SCML2: variants seen among roughly 807,000 people sequenced by gnomAD.
The protein encoded by SCML2 is Scm polycomb group protein like 2.
A neutral mutation model predicts 48.4 loss-of-function variants in SCML2; 6 were observed. That is an observed-to-expected ratio of 0.12 (90% CI 0.07 to 0.24). SCML2 has a LOEUF of 0.24. Among genes scored for constraint, SCML2 ranks in the 10% least tolerant of loss-of-function variants. The pLI is 1.00. For missense variants in SCML2, 377 were observed against 528.2 expected (o/e 0.71, Z 2.81); for synonymous variants, 181 against 189.5 (o/e 0.95, Z 0.37).
At chrX:18,333,367 T>C (rs1003260953) in intron 2 of SCML2, among the ~76,000 whole-genome samples, 1 of 112,196 alleles carries the variant, frequency 8.9e-6, no homozygotes, top group Non-Finnish European at 1.9e-5. Context: ...ACACCACTTA[T>C]GAAGTCATCT....
At chrX:18,261,917 A>AT (rs1252774776) in intron 8 of SCML2, among the ~76,000 whole-genome samples, 1 of 109,174 alleles carries the variant, frequency 9.2e-6, no homozygotes, top group Non-Finnish European at 1.9e-5. Context: ...AATCTGCCTG[A>AT]TTTTTTTCAA....
chrX:18,327,382 C>A lies in SCML2; in HGVS notation c.92-2405G>T, dbSNP rs892317872. Among the ~76,000 whole-genome samples the A allele has an allele frequency of 8.4e-4, 93 of 110,779 alleles. 1 individual carries two copies. The highest frequency in any genetic ancestry group is 4.7e-3 in the Middle Eastern group (1 of 215). On this transcript the variant is annotated intron_variant, in intron 3 of 14. Transcript: ENST00000251900. ...GGAGACTCCGTCTCAACAACAACAA[C>A]AAAAAAAGAACAAAACAAAACATTT...
At chrX:18,295,901 A>G (rs1928381377) in intron 7 of SCML2, among the ~76,000 whole-genome samples, 1 of 112,097 alleles carries the variant, frequency 8.9e-6, no homozygotes, top group Non-Finnish European at 1.9e-5. Context: ...TCACTACTTC[A>G]TGCACTCAGA....
At chrX:18,280,651 GT>G (rs1318091865) in intron 7 of SCML2, among the ~76,000 whole-genome samples, 2 of 111,385 alleles carry the variant, frequency 1.8e-5, no homozygotes, top group Non-Finnish European at 3.8e-5. Context: ...TAGGCTCAAA[GT>G]AAAAGAATGG....
chrX:18,291,180 T>TTCC (rs1704348000), intron 7 of SCML2, among the ~76,000 whole-genome samples: 1 of 111,993 alleles, frequency 8.9e-6, no homozygotes, highest in Non-Finnish European at 1.9e-5. Context: ...ATATGTTCCT[T>TTCC]TCCTCTTTTT....
intron 11 of SCML2, among the ~76,000 whole-genome samples, chrX:18,250,990 AACTC>A (rs1293171330): frequency 3.6e-5 from 4 of 110,101 alleles, no homozygotes; most frequent in East Asian, 2.9e-4. Context: ...ATCTCATGAG[AACTC>A]ACTCACTATC....
chrX:18,249,844 A>AAC (rs751699721), intron 11 of SCML2, among the ~76,000 whole-genome samples: 27 of 111,251 alleles, frequency 2.4e-4, no homozygotes, highest in Non-Finnish European at 3.8e-4. Context: ...GTTATGTCCC[A>AAC]ACACACACAG....
chrX:18,282,542 G>A (rs1927901046), intron 7 of SCML2, among the ~76,000 whole-genome samples: 1 of 111,087 alleles, frequency 9.0e-6, no homozygotes, highest in African/African-American at 3.3e-5. Context: ...TGGGGCTGAG[G>A]CGAGAGGATC....
intron 7 of SCML2, among the ~76,000 whole-genome samples, chrX:18,272,291 C>A (rs1048306839): frequency 1.8e-5 from 2 of 112,230 alleles, no homozygotes; most frequent in African/African-American, 6.5e-5. Context: ...ATGTTTATTT[C>A]CTTATTTTCA....
intron 1 of SCML2, among the ~76,000 whole-genome samples, chrX:18,338,042 T>G (rs151225051): frequency 9.5e-4 from 107 of 112,551 alleles, no homozygotes; most frequent in African/African-American, 3.3e-3. Context: ...CAAGATAATT[T>G]TTTTTAATTC....
intron 1 of SCML2, among the ~76,000 whole-genome samples, chrX:18,346,084 G>C (rs1039876518): frequency 1.8e-5 from 2 of 110,738 alleles, no homozygotes; most frequent in Admixed American, 9.7e-5. Context: ...TTTTCTTTTG[G>C]CCATCATTGT....
At chrX:18,339,772 C>T (rs774894682) in intron 1 of SCML2, among the ~76,000 whole-genome samples, 26 of 110,894 alleles carry the variant, frequency 2.3e-4, no homozygotes, top group African/African-American at 7.5e-4. Context: ...CCTTTATGAG[C>T]CAAAACATCC....
intron 7 of SCML2, among the ~76,000 whole-genome samples, chrX:18,286,200 A>C (rs767201606): frequency 4.5e-5 from 5 of 111,570 alleles, no homozygotes; most frequent in East Asian, 5.6e-4. Context: ...AAATGTCCCC[A>C]AAAAAACAAA....
intron 7 of SCML2, among the ~76,000 whole-genome samples, chrX:18,293,909 G>A (rs1928309755): frequency 8.9e-6 from 1 of 112,008 alleles, no homozygotes. Context: ...AGTGTCTTTC[G>A]AGGACAAAGC....
chrX:18,247,716 T>C, intron 12 of SCML2, 53 bp downstream of exon 12: 1 of 922,919 alleles, frequency 1.1e-6, no homozygotes, highest in South Asian at 2.1e-5. Flanking sequence ...TATACATAAG[T>C]GGTAGCAGAG....
At chrX:18,333,408 C>A (rs1435910512) in intron 2 of SCML2, among the ~76,000 whole-genome samples, 1 of 112,226 alleles carries the variant, frequency 8.9e-6, no homozygotes, top group African/African-American at 3.2e-5. Flanking sequence ...AAAAGCCAAA[C>A]TTGAATCTGT....
At chrX:18,298,016 A>G (rs1256706419) in intron 7 of SCML2, among the ~76,000 whole-genome samples, 1 of 110,671 alleles carries the variant, frequency 9.0e-6, no homozygotes, top group Non-Finnish European at 1.9e-5. Flanking sequence ...CTCAAAAAAA[A>G]GAGAGAAGAA....
intron 8 of SCML2, among the ~76,000 whole-genome samples, chrX:18,264,237 T>C (rs1249096552): frequency 8.9e-6 from 1 of 111,820 alleles, no homozygotes; most frequent in African/African-American, 3.2e-5. Flanking sequence ...GTCTGAGTTT[T>C]TCACACTGGA....
At chrX:18,348,498 A>T (rs1228765088) in intron 1 of SCML2, among the ~76,000 whole-genome samples, 2 of 112,022 alleles carry the variant, frequency 1.8e-5, no homozygotes, top group East Asian at 5.6e-4. Flanking sequence ...ACCCATTCAA[A>T]TATTTCTACA....
Sources: gnomAD v4.1 joint callset for allele counts (sites outside exome capture counted in the v4.1 genomes callset) on GRCh38, gnomAD v4.1.1 for gene constraint, MANE v1.5 for transcripts, NCBI Gene and HGNC (gene_info 2026-07-23, HGNC 2026-07-21) for gene names.